Variants in RALGAPA2 observed in about 807,000 individuals in gnomAD.
RALGAPA2 encodes Ral GTPase activating protein catalytic subunit alpha 2.
A neutral mutation model predicts 230.4 loss-of-function variants in RALGAPA2; 139 were observed. The observed-to-expected ratio is 0.60, with a 90% CI of 0.53 to 0.69. RALGAPA2 has a LOEUF of 0.69. Ranked by LOEUF, RALGAPA2 falls within the 30% of genes least tolerant of loss-of-function variation. The pLI is 0.00. For missense variants in RALGAPA2, 2,163 were observed against 2,276.0 expected (o/e 0.95, Z 1.01); for synonymous variants, 847 against 837.8 (o/e 1.01, Z -0.19).
At chr20:20,572,840 T>G in intron 21 of RALGAPA2, 35 bp downstream of exon 21, 1 of 1,417,306 alleles carries the variant, frequency 7.1e-7, no homozygotes, top group East Asian at 2.6e-5. Flanking sequence ...ACCATTTTCC[T>G]GGATTAGAAT....
At chr20:20,395,462 C>T (rs1321866682) in intron 39 of RALGAPA2, among the ~76,000 whole-genome samples, 1 of 152,242 alleles carries the variant, frequency 6.6e-6, no homozygotes, top group Non-Finnish European at 1.5e-5. Flanking sequence ...ACCTCACCTC[C>T]CCACTTTGGC....
At chr20:20,433,283 T>C (rs1194488094) in intron 37 of RALGAPA2, among the ~76,000 whole-genome samples, 1 of 152,204 alleles carries the variant, frequency 6.6e-6, no homozygotes, top group Non-Finnish European at 1.5e-5. Context: ...GGCAAACCAA[T>C]ATTAGCAATT....
chr20:20,669,959 C>T (rs967680093), intron 3 of RALGAPA2, among the ~76,000 whole-genome samples: 5 of 152,142 alleles, frequency 3.3e-5, no homozygotes, highest in African/African-American at 1.2e-4. Context: ...CTCTCCTTTC[C>T]CTTATGCAGG....
chr20:20,648,744 G>A (rs759710652), intron 4 of RALGAPA2, among the ~76,000 whole-genome samples: 1 of 152,098 alleles, frequency 6.6e-6, no homozygotes, highest in Non-Finnish European at 1.5e-5. Flanking sequence ...GAAGGCAAGC[G>A]AGCAGGAGGT....
At chr20:20,551,955 T>A (rs1312539975) in intron 23 of RALGAPA2, among the ~76,000 whole-genome samples, 1 of 152,174 alleles carries the variant, frequency 6.6e-6, no homozygotes, top group Admixed American at 6.5e-5. Context: ...CTCATGTTGT[T>A]ATGGAAAATA....
intron 37 of RALGAPA2, among the ~76,000 whole-genome samples, chr20:20,455,466 G>A (rs1050813171): frequency 2.6e-4 from 40 of 152,208 alleles, no homozygotes; most frequent in African/African-American, 8.4e-4. Flanking sequence ...AGCTGGTCAC[G>A]AGATCCAAAG....
chr20:20,707,274 C>T (rs1270630961), intron 1 of RALGAPA2, among the ~76,000 whole-genome samples: 3 of 152,180 alleles, frequency 2.0e-5, no homozygotes, highest in African/African-American at 7.2e-5. Flanking sequence ...TAGAAAAGCA[C>T]TGTGAAACAA....
At chr20:20,507,125 A>G (rs2062559266) in intron 33 of RALGAPA2, among the ~76,000 whole-genome samples, 1 of 152,186 alleles carries the variant, frequency 6.6e-6, no homozygotes, top group South Asian at 2.1e-4. Flanking sequence ...TTATTGTGGT[A>G]AAATATACAT....
In RALGAPA2 at chr20:20,552,867, G is replaced by A. The variant is rs181653484; in HGVS notation, c.3157-6035C>T. On this transcript the variant is annotated intron_variant, in intron 23 of 39. Coordinates refer to ENST00000202677, the MANE Select transcript of RALGAPA2 (RefSeq NM_020343.4). The stretch of plus-strand genomic sequence containing the variant: ...TCTGCTCCTTCAGCTTAGGGCACAA[G>A]GACATACTTTACATACTACAAGCTG... Among the ~76,000 whole-genome samples the A allele has an allele frequency of 3.0e-3, 450 of 152,134 alleles. 1 individual carries two copies. Among genetic ancestry groups the A allele is most frequent in the African/African-American group, 0.01 (430 of 41,490 alleles).
intron 20 of RALGAPA2, among the ~76,000 whole-genome samples, chr20:20,576,096 T>C (rs1201475198): frequency 6.6e-6 from 1 of 152,154 alleles, no homozygotes; most frequent in East Asian, 1.9e-4. Flanking sequence ...ATTAGTCTTT[T>C]TAAAATAAAA....
At chr20:20,516,457 A>G (rs910398565) in intron 31 of RALGAPA2, among the ~76,000 whole-genome samples, 1 of 152,188 alleles carries the variant, frequency 6.6e-6, no homozygotes, top group African/African-American at 2.4e-5. Flanking sequence ...ATGGAATAAC[A>G]CTGCCCAGGA....
chr20:20,536,391 A>G (rs1367830940), intron 25 of RALGAPA2, among the ~76,000 whole-genome samples: 1 of 152,240 alleles, frequency 6.6e-6, no homozygotes, highest in Admixed American at 6.5e-5. Context: ...AATTCACTAC[A>G]TGATTATGAT....
intron 4 of RALGAPA2, among the ~76,000 whole-genome samples, chr20:20,651,147 A>C (rs1462258853): frequency 2.0e-5 from 3 of 152,176 alleles, no homozygotes; most frequent in Admixed American, 6.5e-5. Context: ...TTGATGTTCT[A>C]ATTTATTTGC....
At chr20:20,521,735 G>C (rs558526469) in intron 30 of RALGAPA2, among the ~76,000 whole-genome samples, 26 of 152,266 alleles carry the variant, frequency 1.7e-4, no homozygotes, top group Admixed American at 4.6e-4. Flanking sequence ...GGTAATAATT[G>C]TAACAGATTT....
At chr20:20,414,742 G>T (rs1461262383) in intron 37 of RALGAPA2, among the ~76,000 whole-genome samples, 2 of 152,180 alleles carry the variant, frequency 1.3e-5, no homozygotes, top group Non-Finnish European at 2.9e-5. Flanking sequence ...ACATAAAGGT[G>T]CTTCCAGAAC....
At chr20:20,692,533 C>T (rs1221372603) in intron 1 of RALGAPA2, among the ~76,000 whole-genome samples, 2 of 152,152 alleles carry the variant, frequency 1.3e-5, no homozygotes, top group Admixed American at 6.6e-5. Flanking sequence ...CTGGCCTGTT[C>T]GCAGCCCCAG....
chr20:20,541,816 A>G (rs1268270362), intron 24 of RALGAPA2, among the ~76,000 whole-genome samples: 1 of 152,252 alleles, frequency 6.6e-6, no homozygotes, highest in African/African-American at 2.4e-5. Flanking sequence ...ACACTGACAG[A>G]AAATGACCAC....
intron 5 of RALGAPA2, among the ~76,000 whole-genome samples, chr20:20,641,215 T>C (rs1418735636): frequency 6.6e-6 from 1 of 152,208 alleles, no homozygotes; most frequent in Non-Finnish European, 1.5e-5. Context: ...TGATAAAGAC[T>C]GAGTTAACAT....
At chr20:20,516,340 T>C (rs2062869057) in intron 31 of RALGAPA2, among the ~76,000 whole-genome samples, 2 of 152,182 alleles carry the variant, frequency 1.3e-5, no homozygotes, top group Admixed American at 6.5e-5. Flanking sequence ...CCCTAGGCAA[T>C]TTAGGGCAAG....
Sources: allele counts gnomAD v4.1 joint callset (sites outside exome capture counted in the v4.1 genomes callset), GRCh38; gene constraint gnomAD v4.1.1; transcripts MANE v1.5; gene names NCBI Gene and HGNC (gene_info 2026-07-23, HGNC 2026-07-21).